PPM1B: variants seen among roughly 807,000 people sequenced by gnomAD.
PPM1B encodes the protein protein phosphatase 1B.
In PPM1B, 22 loss-of-function variants were observed where a neutral mutation model predicts 43.0. The observed-to-expected ratio is 0.51, with a 90% CI of 0.37 to 0.73. The LOEUF is 0.73. Ranked by LOEUF, PPM1B falls within the 30% of genes least tolerant of loss-of-function variation. The pLI is 0.00. For synonymous variants in PPM1B, 217 were observed against 197.9 expected (o/e 1.10, Z -0.81); for missense variants, 632 against 584.2 (o/e 1.08, Z -0.84).
chr2:44,207,965 T>G (rs1669271512), intron 2 of PPM1B, among the ~76,000 whole-genome samples: 1 of 148,312 alleles, frequency 6.7e-6, no homozygotes, highest in Non-Finnish European at 1.5e-5. Flanking sequence ...CTCAGCTCAC[T>G]GCAACCTCCA....
chr2:44,239,231 T>A (rs1350155738), downstream of PPM1B, among the ~76,000 whole-genome samples: 1 of 147,126 alleles, frequency 6.8e-6, no homozygotes, highest in Non-Finnish European at 1.5e-5. Context: ...AAATAGTATA[T>A]AATTTGCATT....
At chr2:44,241,506 G>C (rs72800993) in intron 5 of PPM1B, among the ~76,000 whole-genome samples, 45,516 of 141,734 alleles carry the variant, frequency 0.32, 12,591 homozygotes, top group African/African-American at 0.64. Context: ...GCCACCTGGA[G>C]AGATCACTTG....
chr2:44,211,512 C>G (rs1669465843), intron 3 of PPM1B, among the ~76,000 whole-genome samples: 1 of 152,038 alleles, frequency 6.6e-6, no homozygotes, highest in South Asian at 2.1e-4. Context: ...ATGTTAACAT[C>G]TTTTGTGACT....
At chr2:44,208,357 G>C (rs185716786) in intron 2 of PPM1B, among the ~76,000 whole-genome samples, 34 of 152,222 alleles carry the variant, frequency 2.2e-4, no homozygotes, top group African/African-American at 7.9e-4. Context: ...GACTACAGTT[G>C]GATCTCAGTT....
chr2:44,182,784 T>G (rs571412628), intron 1 of PPM1B, among the ~76,000 whole-genome samples: 40 of 152,180 alleles, frequency 2.6e-4, no homozygotes, highest in Non-Finnish European at 1.5e-5. Flanking sequence ...TTGTGTAGAA[T>G]TGGACCGTGA....
intron 5 of PPM1B, among the ~76,000 whole-genome samples, chr2:44,226,376 G>A (rs1233995881): frequency 6.6e-6 from 1 of 152,272 alleles, no homozygotes; most frequent in East Asian, 1.9e-4. Flanking sequence ...GTTGGAAAGC[G>A]AGAGGTACTT....
intron 1 of PPM1B, among the ~76,000 whole-genome samples, chr2:44,173,048 C>G (rs1667422608): frequency 1.3e-5 from 2 of 152,218 alleles, no homozygotes; most frequent in African/African-American, 4.8e-5. Flanking sequence ...GGCGTGGTGG[C>G]TCACGCCCAT....
rs1355631893 is a variant in PPM1B, at chr2:44,209,275, A to T, written c.912A>T (p.Glu304Asp). The T allele has an allele frequency of 6.2e-7, 1 of 1,614,008 alleles. No homozygotes were observed. The highest frequency in any genetic ancestry group is 8.5e-7 in the Non-Finnish European group (1 of 1,179,980). Residue 304 changes from glutamate to aspartate, a missense_variant, in exon 3 of 6, where the codon GAA becomes GAT. By Grantham distance (45) the Glu-to-Asp change is conservative. This residue lies in a region of PPM1B where 392 missense variants were observed against 302.7 expected (regional missense o/e 1.29). Transcript: ENST00000282412. Reference sequence around the variant, plus strand: ...CAAATGCTCCCAAGGTCTCAGATGAAGCGGTGAAAAAAGATTCAGAGTTGG... The same window carrying T: ...CAAATGCTCCCAAGGTCTCAGATGATGCGGTGAAAAAAGATTCAGAGTTGG... ...CFSNAPKVSD[E>D]AVKKDSELDK...
intron 2 of PPM1B, among the ~76,000 whole-genome samples, chr2:44,208,600 C>G (rs937309335): frequency 2.0e-5 from 3 of 152,162 alleles, no homozygotes; most frequent in African/African-American, 7.2e-5. Context: ...GTAATGCCAG[C>G]TACTCAGGAG....
intron 1 of PPM1B, among the ~76,000 whole-genome samples, chr2:44,182,744 T>C (rs991611221): frequency 1.3e-5 from 2 of 152,214 alleles, no homozygotes; most frequent in Admixed American, 6.5e-5. Context: ...GGCTTTATTT[T>C]TCATACTTTT....
chr2:44,183,889 C>T (rs1453450655), intron 1 of PPM1B, among the ~76,000 whole-genome samples: 1 of 152,190 alleles, frequency 6.6e-6, no homozygotes, highest in African/African-American at 2.4e-5. Context: ...CAGGCATCCG[C>T]CACCGTCCCT....
chr2:44,191,960 T>A (rs1668422829), intron 1 of PPM1B, among the ~76,000 whole-genome samples: 2 of 152,136 alleles, frequency 1.3e-5, no homozygotes, highest in Non-Finnish European at 2.9e-5. Flanking sequence ...TGTTTAGTTC[T>A]CTTTCCTTTT....
chr2:44,189,277 C>G (rs1025240454), intron 1 of PPM1B, among the ~76,000 whole-genome samples: 2 of 152,124 alleles, frequency 1.3e-5, no homozygotes, highest in African/African-American at 2.4e-5. Context: ...AGACAGAACA[C>G]TTCTGCTTTT....
intron 1 of PPM1B, among the ~76,000 whole-genome samples, chr2:44,189,524 C>T (rs963065975): frequency 2.6e-5 from 4 of 151,384 alleles, no homozygotes; most frequent in East Asian, 3.9e-4. Context: ...AGTGCAATGG[C>T]GCGATCTCAG....
chr2:44,242,431 C>A (rs771751286), intron 5 of PPM1B, among the ~76,000 whole-genome samples: 3 of 152,096 alleles, frequency 2.0e-5, no homozygotes, highest in Non-Finnish European at 4.4e-5. Context: ...AATGTGAAAT[C>A]TGGGCAATAG....
downstream of PPM1B, chr2:44,234,564 G>A (rs1228222681): frequency 1.0e-6 from 1 of 985,474 alleles, no homozygotes; most frequent in South Asian, 4.7e-5. Flanking sequence ...CAGGGGGCAG[G>A]GTGGGGGTTA....
chr2:44,183,998 A>G (rs541921771), intron 1 of PPM1B, among the ~76,000 whole-genome samples: 2 of 152,310 alleles, frequency 1.3e-5, no homozygotes, highest in Admixed American at 6.5e-5. Context: ...TCGGCCTCCC[A>G]AAGTGCTGGG....
At chr2:44,205,364 T>TCGGGGTGTGTGTGTGTGTGTGTGTGTGG (rs141707967) in intron 2 of PPM1B, among the ~76,000 whole-genome samples, 1 of 100,436 alleles carries the variant, frequency 1.0e-5, no homozygotes, top group African/African-American at 4.4e-5. Flanking sequence ...GGTGTGTGTG[T>TCGGGGTGTGTGTGTGTGTGTGTGTGTGG]GTGTGTGTGT....
chr2:44,232,037 T>C (rs561444601), downstream of PPM1B, among the ~76,000 whole-genome samples: 31 of 152,324 alleles, frequency 2.0e-4, no homozygotes, highest in Admixed American at 1.9e-3. Flanking sequence ...AGCTGATGTT[T>C]TGATGTATTT....
Sources: gnomAD v4.1 joint callset for allele counts (sites outside exome capture counted in the v4.1 genomes callset) on GRCh38, gnomAD v4.1.1 for gene constraint, gnomAD v4.1.1 regional missense constraint, MANE v1.5 for transcripts, NCBI Gene and HGNC (gene_info 2026-07-23, HGNC 2026-07-21) for gene names.